Variants in GGACT observed in about 807,000 individuals in gnomAD.
GGACT encodes gamma-glutamylamine cyclotransferase.
For missense variants in GGACT, 241 were observed against 233.2 expected (o/e 1.03, Z -0.22); for synonymous variants, 118 against 115.3 (o/e 1.02, Z -0.15).
Position 100,532,458 on chromosome 13 carries a change from G to T in GGACT, c.134C>A (p.Ala45Glu). The change falls in exon 3 of 3, where the codon GCG becomes GAG. Residue 45 changes from alanine (A) to glutamate (E), a missense_variant. By Grantham distance (107) the Ala-to-Glu change is moderately radical (BLOSUM62 -1). Transcript: ENST00000683975. ...RTLEPYPLVIAGEHNIPWLLH... is the reference protein window; with the variant it reads ...RTLEPYPLVIEGEHNIPWLLH... ...CAGCCACGGGATGTTGTGCTCCCCCGCGATCACCAACGGGTAGGGCTCCAG... is the reference window on the plus strand; with the variant it reads ...CAGCCACGGGATGTTGTGCTCCCCCTCGATCACCAACGGGTAGGGCTCCAG... The T allele has an allele frequency of 1.3e-6, 2 of 1,549,728 alleles. No homozygotes were observed. Among genetic ancestry groups the T allele is most frequent in the South Asian group, 2.4e-5 (2 of 84,048 alleles).
At chr13:100,544,496 A>G (rs1566530742) in intron 2 of GGACT, among the ~76,000 whole-genome samples, 1 of 152,210 alleles carries the variant, frequency 6.6e-6, no homozygotes, top group Admixed American at 6.5e-5. Flanking sequence ...CATACCCCGG[A>G]AAAGTCCCTG....
At chr13:100,575,507 C>A (rs994197643) in intron 2 of GGACT, among the ~76,000 whole-genome samples, 14 of 152,226 alleles carry the variant, frequency 9.2e-5, no homozygotes, top group African/African-American at 3.4e-4. Flanking sequence ...TATTCAAATG[C>A]AAACTTTGAC....
intron 2 of GGACT, among the ~76,000 whole-genome samples, chr13:100,549,541 ATAGC>A (rs746926712): frequency 1.3e-5 from 2 of 152,234 alleles, no homozygotes; most frequent in Non-Finnish European, 2.9e-5. Flanking sequence ...AAGTTGTATC[ATAGC>A]TAGCTGGTCT....
At chr13:100,586,823 G>A (rs1052295273) in intron 1 of GGACT, 7 of 152,366 alleles carry the variant, frequency 4.6e-5, no homozygotes, top group East Asian at 1.9e-4. Flanking sequence ...CCATTTAAGG[G>A]GGTATCACGA....
chr13:100,559,353 A>G (rs1340127356), intron 2 of GGACT, among the ~76,000 whole-genome samples: 2 of 149,750 alleles, frequency 1.3e-5, no homozygotes, highest in African/African-American at 4.9e-5. Flanking sequence ...ATGTCCAGCT[A>G]ATTTTTGTAT....
rs144801571 is a variant in GGACT, at chr13:100,540,198, G to A, written c.-10-7597C>T. On this transcript the variant is annotated intron_variant, in intron 2 of 2. Transcript: ENST00000683975. ...AGTTAGTGCAGCGAATAGGCTGCACGTGGCCGCGGCCCTTTTTGGCACGAC... is the reference window on the plus strand; with the variant it reads ...AGTTAGTGCAGCGAATAGGCTGCACATGGCCGCGGCCCTTTTTGGCACGAC... 1,337 of 1,497,080 alleles carry A rather than the reference G, an allele frequency of 8.9e-4. 17 individuals are homozygous for A. The East Asian group carries it at 0.026, about 29-fold the overall frequency. 92.7% of individuals were successfully genotyped at this position (1,497,080 alleles called of 1,614,324 possible).
intron 2 of GGACT, chr13:100,540,011 G>A: frequency 1.4e-6 from 2 of 1,379,872 alleles, no homozygotes; most frequent in Non-Finnish European, 2.0e-6. Context: ...ACTTTGCTGT[G>A]AATTGCACAA....
At chr13:100,532,628 C>T in intron 2 of GGACT, 27 bp from the exon 3 acceptor site, 1 of 1,495,276 alleles carries the variant, frequency 6.7e-7, no homozygotes, top group Non-Finnish European at 9.0e-7. Flanking sequence ...AGTCACAGGT[C>T]AGCCCGCAGT....
rs1280217122 is a variant in GGACT, at chr13:100,532,252, C to T, written c.340G>A (p.Val114Met). The change falls in exon 3 of 3, where the codon GTG becomes ATG. Residue 114 changes from valine (V) to methionine (M), a missense_variant. Val to Met is a conservative substitution (Grantham distance 21, BLOSUM62 1). Coordinates refer to ENST00000683975, the MANE Select transcript of GGACT (RefSeq NM_001195087.2). ...GAEEPPAPTA[V>M]QCFVYSRATF... ...GCCCTGCTGTACACGAAGCACTGCA[C>T]CGCGGTGGGCGCTGGCGGCTCCTCT... The T allele has an allele frequency of 3.9e-6, 6 of 1,521,070 alleles. No homozygotes were observed. The South Asian group carries it at 6.3e-5, about 16-fold the overall frequency. The allele number at this position is 1,521,070 out of a possible 1,614,324, so 94.2% of individuals were successfully genotyped here.
chr13:100,540,657 GC>G (rs2088544218), intron 2 of GGACT, among the ~76,000 whole-genome samples: 1 of 152,012 alleles, frequency 6.6e-6, no homozygotes, highest in Admixed American at 6.5e-5. Flanking sequence ...CTTTCCTTCT[GC>G]TAGCTTTGGG....
intron 2 of GGACT, among the ~76,000 whole-genome samples, chr13:100,572,400 G>A (rs765292685): frequency 2.0e-5 from 3 of 152,106 alleles, no homozygotes; most frequent in Non-Finnish European, 4.4e-5. Flanking sequence ...TGGGGGACGG[G>A]GAAAATGGGG....
chr13:100,532,755 T>C (rs2088433079), intron 2 of GGACT, among the ~76,000 whole-genome samples, 154 bp from the exon 3 acceptor site: 1 of 152,230 alleles, frequency 6.6e-6, no homozygotes, highest in Non-Finnish European at 1.5e-5. Flanking sequence ...CCGACGCAGA[T>C]GAGAATGACC....
intron 2 of GGACT, among the ~76,000 whole-genome samples, chr13:100,544,581 C>G (rs937627563): frequency 4.6e-5 from 7 of 152,214 alleles, no homozygotes; most frequent in Admixed American, 1.3e-4. Flanking sequence ...AGGCCAGGGT[C>G]TCCTCTTCAC....
chr13:100,586,262 A>G (rs1875570780), intron 1 of GGACT, among the ~76,000 whole-genome samples: 1 of 152,194 alleles, frequency 6.6e-6, no homozygotes, highest in Non-Finnish European at 1.5e-5. Flanking sequence ...AAACTGCTTC[A>G]GCCACAACCA....
At chr13:100,584,610 A>T (rs909023157) in intron 1 of GGACT, among the ~76,000 whole-genome samples, 2 of 152,200 alleles carry the variant, frequency 1.3e-5, no homozygotes, top group African/African-American at 4.8e-5. Context: ...CTATACATTT[A>T]AAAATAACTA....
intron 2 of GGACT, among the ~76,000 whole-genome samples, chr13:100,552,516 T>G (rs1177939509): frequency 2.6e-5 from 4 of 152,220 alleles, no homozygotes; most frequent in Admixed American, 2.6e-4. Flanking sequence ...GTCAAGACGG[T>G]GACCTGTCGT....
At chr13:100,580,703 G>A (rs763027137) in intron 2 of GGACT, among the ~76,000 whole-genome samples, 1 of 152,190 alleles carries the variant, frequency 6.6e-6, no homozygotes, top group African/African-American at 2.4e-5. Context: ...CACAAGTGAT[G>A]GAAGAACTGC....
At chr13:100,566,660 G>A (rs1044027796) in intron 2 of GGACT, among the ~76,000 whole-genome samples, 1 of 152,090 alleles carries the variant, frequency 6.6e-6, no homozygotes, top group Non-Finnish European at 1.5e-5. Context: ...TATTTAAGAA[G>A]TGTCTGCTCA....
intron 2 of GGACT, among the ~76,000 whole-genome samples, chr13:100,570,928 A>T (rs1875063802): frequency 6.6e-6 from 1 of 152,130 alleles, no homozygotes; most frequent in Non-Finnish European, 1.5e-5. Flanking sequence ...TTCCATATGT[A>T]AGAAAATGTT....
Sources: gnomAD v4.1 joint callset for allele counts (sites outside exome capture counted in the v4.1 genomes callset) on GRCh38, gnomAD v4.1.1 for gene constraint, MANE v1.5 for transcripts, NCBI Gene and HGNC (gene_info 2026-07-23, HGNC 2026-07-21) for gene names.